The following ACOT12 variants were observed in gnomAD, a reference collection of about 807,000 sequenced individuals.
The protein encoded by ACOT12 is acetyl-coenzyme A thioesterase.
A neutral mutation model predicts 67.7 loss-of-function variants in ACOT12; 51 were observed. That is an observed-to-expected ratio of 0.75 (90% confidence interval 0.60 to 0.95). The LOEUF is 0.95. Among genes scored for constraint, ACOT12 ranks in the 40% least tolerant of loss-of-function variants. The pLI is 0.00. For synonymous variants in ACOT12, 251 were observed against 244.6 expected (o/e 1.03, Z -0.24); for missense variants, 734 against 708.1 (o/e 1.04, Z -0.41).
At chr5:81,359,079 T>C (rs949809763) in intron 5 of ACOT12, among the ~76,000 whole-genome samples, 1 of 152,158 alleles carries the variant, frequency 6.6e-6, no homozygotes, top group African/African-American at 2.4e-5. Flanking sequence ...TTGACATCCT[T>C]GTTCTGACAT....
intron 3 of ACOT12, among the ~76,000 whole-genome samples, chr5:81,364,259 G>A (rs1171742774): frequency 6.7e-6 from 1 of 149,916 alleles, no homozygotes; most frequent in Non-Finnish European, 1.5e-5. Context: ...TGTCATATAT[G>A]ATATATAATA....
chr5:81,336,300 G>A (rs1016871057), intron 11 of ACOT12, among the ~76,000 whole-genome samples: 3 of 152,182 alleles, frequency 2.0e-5, no homozygotes, highest in African/African-American at 7.2e-5. Context: ...AAAGAGCAGA[G>A]TCAAGGCTAT....
intron 14 of ACOT12, 92 bp from the exon 15 acceptor site, chr5:81,330,635 T>G (rs1242044358): frequency 1.3e-6 from 2 of 1,504,710 alleles, no homozygotes; most frequent in East Asian, 4.7e-5. Flanking sequence ...TAGGGGAGGC[T>G]AAGACCCTAA....
intron 1 of ACOT12, among the ~76,000 whole-genome samples, chr5:81,387,187 A>G (rs957402721): frequency 2.0e-5 from 3 of 151,502 alleles, no homozygotes; most frequent in Non-Finnish European, 4.4e-5. Flanking sequence ...TTGTATTTTT[A>G]GTAGAGATGG....
In ACOT12 at chr5:81,342,821, T is replaced by C. The variant is rs969060385; in HGVS notation, c.1045-66A>G. 6 of 1,549,682 alleles carry C rather than the reference T, an allele frequency of 3.9e-6. No individual in the cohort carries two copies. In the Admixed American group the frequency reaches 1.0e-4, roughly 26 times the overall value. On this transcript the variant is annotated intron_variant, in intron 10 of 14. Coordinates refer to ENST00000307624, the MANE Select transcript of ACOT12 (RefSeq NM_130767.3). ...TACATGGATGTGTGATCATATATTT[T>C]CTGCTTAAAAAATGGGCACTGTTGG... is the stretch of plus-strand genomic sequence containing the variant.
At chr5:81,392,581 A>G (rs1322035155) in intron 1 of ACOT12, among the ~76,000 whole-genome samples, 1 of 152,210 alleles carries the variant, frequency 6.6e-6, no homozygotes, top group African/African-American at 2.4e-5. Flanking sequence ...GCACTAAGCA[A>G]GGTAACTAAA....
intron 11 of ACOT12, among the ~76,000 whole-genome samples, chr5:81,338,056 T>C (rs1759059657): frequency 6.6e-6 from 1 of 152,214 alleles, no homozygotes; most frequent in Non-Finnish European, 1.5e-5. Flanking sequence ...TGCCCTGCTG[T>C]ATAAATCAAT....
chr5:81,379,904 T>C (rs1015670841), intron 2 of ACOT12, among the ~76,000 whole-genome samples: 10 of 152,120 alleles, frequency 6.6e-5, no homozygotes, highest in Admixed American at 6.5e-4. Flanking sequence ...GGCCCAGATA[T>C]ATTAAAGACA....
chr5:81,364,931 C>T (rs1760030382), intron 3 of ACOT12, among the ~76,000 whole-genome samples: 1 of 151,958 alleles, frequency 6.6e-6, no homozygotes, highest in Non-Finnish European at 1.5e-5. Flanking sequence ...AGTTTCATAA[C>T]CAAGCTAACA....
At chr5:81,374,289 A>G (rs755286799) in intron 2 of ACOT12, among the ~76,000 whole-genome samples, 1 of 152,256 alleles carries the variant, frequency 6.6e-6, no homozygotes, top group Non-Finnish European at 1.5e-5. Flanking sequence ...AAGGAATAGC[A>G]TCAACATCAA....
chr5:81,312,856 A>G, the ACOT12 span: 1 of 419,708 alleles, frequency 2.4e-6, no homozygotes, highest in African/African-American at 2.0e-5. Context: ...AGAAAATTGA[A>G]GAAAAGAATA....
At chr5:81,373,944 T>C (rs1218887513) in intron 2 of ACOT12, among the ~76,000 whole-genome samples, 1 of 152,230 alleles carries the variant, frequency 6.6e-6, no homozygotes, top group African/African-American at 2.4e-5. Flanking sequence ...CTGATGGCTC[T>C]GAAGACAGCA....
chr5:81,369,232 C>T (rs1760172861), intron 3 of ACOT12, among the ~76,000 whole-genome samples: 1 of 151,600 alleles, frequency 6.6e-6, no homozygotes. Flanking sequence ...AGTAATGCAT[C>T]ACACACCTTC....
chr5:81,342,378 C>T (rs1347263055), intron 11 of ACOT12, among the ~76,000 whole-genome samples: 1 of 152,120 alleles, frequency 6.6e-6, no homozygotes, highest in Non-Finnish European at 1.5e-5. Context: ...TATGGAGAAG[C>T]ATCTGTCCTG....
At chr5:81,338,467 G>A (rs572334980) in intron 11 of ACOT12, among the ~76,000 whole-genome samples, 4 of 152,090 alleles carry the variant, frequency 2.6e-5, no homozygotes, top group African/African-American at 7.2e-5. Flanking sequence ...CATGTAGGAC[G>A]TGCCTGCTTC....
At chr5:81,392,304 T>C (rs936932197) in intron 1 of ACOT12, among the ~76,000 whole-genome samples, 8 of 152,220 alleles carry the variant, frequency 5.3e-5, no homozygotes, top group African/African-American at 1.9e-4. Flanking sequence ...GGCTAAATAA[T>C]GTCCCCTGCT....
intron 8 of ACOT12, 103 bp downstream of exon 8, chr5:81,344,788 C>G (rs1759319356): frequency 7.0e-7 from 1 of 1,432,308 alleles, no homozygotes; most frequent in Non-Finnish European, 9.6e-7. Context: ...GAGGGAAAAC[C>G]AAAGGGAAAG....
At chr5:81,344,865 T>C (rs370577380) in intron 8 of ACOT12, 26 bp downstream of exon 8, 229 of 1,613,326 alleles carry the variant, frequency 1.4e-4, no homozygotes, top group Non-Finnish European at 1.7e-4. Context: ...GGTCCGGCTA[T>C]TGAACCTCGT....
At chr5:81,361,754 G>T (rs1476748939) in intron 4 of ACOT12, among the ~76,000 whole-genome samples, 1 of 152,168 alleles carries the variant, frequency 6.6e-6, no homozygotes, top group African/African-American at 2.4e-5. Flanking sequence ...GCTTAGTAAG[G>T]CTTTGCATGA....
Sources: gnomAD v4.1 joint callset for allele counts (sites outside exome capture counted in the v4.1 genomes callset) on GRCh38, gnomAD v4.1.1 for gene constraint, MANE v1.5 for transcripts, NCBI Gene and HGNC (gene_info 2026-07-23, HGNC 2026-07-21) for gene names.